Variants in PLCB4 observed in about 807,000 individuals in gnomAD.
PLCB4 encodes 1-phosphatidylinositol 4,5-bisphosphate phosphodiesterase beta-4.
PLCB4 carries 77 observed loss-of-function variants against 178.8 expected under a neutral mutation model. The ratio of observed to expected loss-of-function variants is 0.43; its 90% confidence interval spans 0.36 to 0.52. The LOEUF (loss-of-function observed/expected upper bound fraction) is 0.52. Ranked by LOEUF, PLCB4 falls within the 20% of genes least tolerant of loss-of-function variation. The pLI is 0.00. For missense variants in PLCB4, 1,024 were observed against 1,453.4 expected (o/e 0.70, Z 4.80); for synonymous variants, 496 against 490.8 (o/e 1.01, Z -0.14).
At chr20:9,197,394 T>C (rs6056464) in intron 2 of PLCB4, among the ~76,000 whole-genome samples, 88,533 of 152,112 alleles carry the variant, frequency 0.58, 27,913 homozygotes, top group African/African-American at 0.84. Context: ...AAAATACACA[T>C]CAGATTTCAA....
chr20:9,081,706 C>T (rs6056391), intron 1 of PLCB4, among the ~76,000 whole-genome samples: 91,484 of 146,692 alleles, frequency 0.62, 28,529 homozygotes, highest in South Asian at 0.72. Flanking sequence ...AATAAATAAC[C>T]AAATGCCATT....
At chr20:9,404,161 A>G (rs2039257162) in intron 20 of PLCB4, among the ~76,000 whole-genome samples, 1 of 152,118 alleles carries the variant, frequency 6.6e-6, no homozygotes, top group African/African-American at 2.4e-5. Context: ...TTTTGCAGGA[A>G]AGAGAGGGGA....
In PLCB4 at chr20:9,139,354, A is replaced by G. The variant is rs900704197; in HGVS notation, c.-79+43012A>G. ...TTCATGTGGTGTTGGCTGGGGCTCA[A>G]ATTCTCTGGGGGTTCATATGAGCTG... On this transcript the variant is annotated intron_variant, in intron 2 of 39. Transcript: ENST00000378473. Among the ~76,000 whole-genome samples, 6 of 151,994 alleles carry G rather than the reference A, an allele frequency of 3.9e-5. No individual in the cohort carries two copies. The East Asian group carries it at 1.2e-3, about 29-fold the overall frequency.
At chr20:9,203,786 T>G (rs1050464785) in intron 2 of PLCB4, among the ~76,000 whole-genome samples, 1 of 136,448 alleles carries the variant, frequency 7.3e-6, no homozygotes, top group Admixed American at 6.9e-5. Flanking sequence ...TGTTTTTTTT[T>G]TTTTTTTTTT....
chr20:9,423,719 A>C lies in PLCB4; in HGVS notation c.2320-29A>C, dbSNP rs375645966. The C allele has an allele frequency of 1.3e-5, 20 of 1,588,240 alleles. No homozygotes were observed. In the African/African-American group the frequency reaches 2.4e-4, roughly 19 times the overall value. On this transcript the variant is annotated intron_variant, in intron 27 of 39. Coordinates refer to ENST00000378473, the MANE Select transcript of PLCB4 (RefSeq NM_001377142.1). Reference sequence around the variant, plus strand: ...TGGTTCTTGGGCGCTGCATTGGAAAAATCAGTGAAAGTCCTGTTCTGTTTG... The same window carrying C: ...TGGTTCTTGGGCGCTGCATTGGAAACATCAGTGAAAGTCCTGTTCTGTTTG...
intron 2 of PLCB4, among the ~76,000 whole-genome samples, chr20:9,171,232 G>A (rs140159617): frequency 0.012 from 1,834 of 152,244 alleles, 18 homozygotes; most frequent in Non-Finnish European, 0.017. Context: ...TATGGTAGGC[G>A]CTCAGAAGCT....
chr20:9,248,801 A>G (rs1258640287), intron 3 of PLCB4, among the ~76,000 whole-genome samples: 1 of 152,140 alleles, frequency 6.6e-6, no homozygotes, highest in African/African-American at 2.4e-5. Context: ...TTAATTTCCT[A>G]TTGTTGCTCT....
chr20:9,245,005 G>C (rs530475617), intron 3 of PLCB4, among the ~76,000 whole-genome samples: 35 of 152,166 alleles, frequency 2.3e-4, no homozygotes, highest in Non-Finnish European at 4.7e-4. Flanking sequence ...GTCTGGGCAA[G>C]AGCAGCCTTC....
intron 3 of PLCB4, among the ~76,000 whole-genome samples, chr20:9,265,422 G>A (rs569698594): frequency 1.1e-4 from 16 of 152,178 alleles, no homozygotes; most frequent in Non-Finnish European, 2.1e-4. Context: ...GGTAAAGGTT[G>A]CAGTGAGCCG....
chr20:9,121,961 C>T (rs188906193), intron 2 of PLCB4, among the ~76,000 whole-genome samples: 83 of 152,216 alleles, frequency 5.5e-4, no homozygotes, highest in African/African-American at 1.9e-3. Context: ...CTTTGCTTTC[C>T]TCAGGACTTT....
chr20:9,423,828 G>A lies in PLCB4; in HGVS notation c.2400G>A (p.Pro800=), dbSNP rs16995899. 9,430 of 1,613,820 alleles carry A rather than the reference G, an allele frequency of 5.8e-3. 423 individuals are homozygous for A. The Admixed American group carries it at 0.097, about 17-fold the overall frequency. ...AGCTGATTGGCCAGAGGATCCTCCC[G>A]CTTGATGGCCTCCAAGCCGGATATC... The part of the protein sequence containing the change: ...NNKLIGQRIL[P]LDGLQAGYRH... The change falls in exon 28 of 40, where the codon CCG becomes CCA. Residue 800 remains proline, a synonymous_variant. Transcript: ENST00000378473.
At position 9,338,023 on chromosome 20, in the gene PLCB4, G is replaced by A. The variant is rs754226145; in HGVS notation, c.181G>A (p.Glu61Lys). The part of the protein sequence containing the change: ...RSEGKEGQVL[E>K]CSLINSIRSG... ...CTCTCTTCAGGAAGGACAGGTGCTA[G>A]AATGCTCCCTCATCAACAGTATTCG... Residue 61 changes from glutamate (E) to lysine (K), a missense_variant, in exon 6 of 40, where the codon GAA becomes AAA. Physicochemically the swap from Glu to Lys is moderately conservative, Grantham distance 56 (BLOSUM62 1). Around this residue, in one of 7 missense-constraint regions of PLCB4, gnomAD observed 225 missense variants for 291.0 expected, o/e 0.77. Coordinates refer to ENST00000378473, the MANE Select transcript of PLCB4 (RefSeq NM_001377142.1). 6.2e-7 allele frequency: 1 copy of A among 1,611,932 alleles called. No homozygotes were observed. Among genetic ancestry groups the A allele is most frequent in the Non-Finnish European group, 8.5e-7 (1 of 1,178,214 alleles).
At chr20:9,169,451 G>T (rs964237855) in intron 2 of PLCB4, among the ~76,000 whole-genome samples, 3 of 151,378 alleles carry the variant, frequency 2.0e-5, no homozygotes, top group Non-Finnish European at 4.4e-5. Context: ...TTAGCCCGGC[G>T]TGGTGGTGCA....
chr20:9,162,476 A>G (rs895389094), intron 2 of PLCB4, among the ~76,000 whole-genome samples: 2 of 152,198 alleles, frequency 1.3e-5, no homozygotes, highest in African/African-American at 4.8e-5. Context: ...CTCCTCAGTA[A>G]TGAGAGTCAA....
intron 2 of PLCB4, among the ~76,000 whole-genome samples, chr20:9,188,487 T>A (rs149629606): frequency 6.6e-6 from 1 of 151,114 alleles, no homozygotes; most frequent in African/African-American, 2.5e-5. Flanking sequence ...AGTGACATTC[T>A]GGGTTGGTTA....
intron 3 of PLCB4, among the ~76,000 whole-genome samples, chr20:9,223,734 G>A (rs2093828692): frequency 6.6e-6 from 1 of 152,232 alleles, no homozygotes; most frequent in African/African-American, 2.4e-5. Context: ...GTCATGCATG[G>A]TCACGTCTAT....
intron 24 of PLCB4, among the ~76,000 whole-genome samples, chr20:9,409,924 A>G (rs761756849): frequency 4.6e-5 from 7 of 152,228 alleles, no homozygotes; most frequent in Non-Finnish European, 8.8e-5. Context: ...TTCACTGTAG[A>G]TGGTCAATTC....
chr20:9,254,990 C>A (rs538824164), intron 3 of PLCB4, among the ~76,000 whole-genome samples: 28 of 152,192 alleles, frequency 1.8e-4, no homozygotes, highest in Middle Eastern at 6.8e-3. Context: ...GATTCTTCTG[C>A]AATCACTCTA....
chr20:9,151,124 A>G (rs531029579), intron 2 of PLCB4, among the ~76,000 whole-genome samples: 2 of 152,332 alleles, frequency 1.3e-5, no homozygotes, highest in African/African-American at 4.8e-5. Flanking sequence ...AAATTTAACA[A>G]TACAACAATA....
Sources: gnomAD v4.1 joint callset for allele counts (sites outside exome capture counted in the v4.1 genomes callset) on GRCh38, gnomAD v4.1.1 for gene constraint, gnomAD v4.1.1 regional missense constraint, MANE v1.5 for transcripts, NCBI Gene and HGNC (gene_info 2026-07-23, HGNC 2026-07-21) for gene names.